TNS3: variants seen among roughly 807,000 people sequenced by gnomAD.
The protein encoded by TNS3 is tensin 3.
Under a neutral mutation model 140.9 loss-of-function variants are expected in TNS3, and 45 were observed. The observed-to-expected ratio is 0.32, with a 90% CI of 0.25 to 0.41. The LOEUF is 0.41. Among genes scored for constraint, TNS3 ranks in the 10% least tolerant of loss-of-function variants. The pLI, the probability that TNS3 is intolerant of heterozygous loss-of-function variation, is 1.00. For synonymous variants in TNS3, 815 were observed against 788.4 expected (o/e 1.03, Z -0.56); for missense variants, 1,716 against 1,906.7 (o/e 0.90, Z 1.86).
chr7:47,301,302 C>T (rs1216920680), intron 23 of TNS3, among the ~76,000 whole-genome samples: 2 of 152,176 alleles, frequency 1.3e-5, no homozygotes, highest in African/African-American at 4.8e-5. Context: ...GCACTGGAGG[C>T]ATGGCCCTGC....
chr7:47,370,452 A>G (rs1201690014), intron 16 of TNS3, among the ~76,000 whole-genome samples: 1 of 152,228 alleles, frequency 6.6e-6, no homozygotes, highest in Admixed American at 6.5e-5. Flanking sequence ...GCTGACCTGC[A>G]TGCGCTGATT....
At chr7:47,370,765 A>G (rs940170313) in intron 16 of TNS3, among the ~76,000 whole-genome samples, 6 of 152,218 alleles carry the variant, frequency 3.9e-5, no homozygotes, top group Admixed American at 1.3e-4. Context: ...TGGTGGTGGG[A>G]AGCCCACGCT....
chr7:47,330,833 C>A (rs1392703253), intron 20 of TNS3, among the ~76,000 whole-genome samples: 1 of 152,104 alleles, frequency 6.6e-6, no homozygotes, highest in African/African-American at 2.4e-5. Flanking sequence ...CTTCCTGAGA[C>A]ACGACCTGAT....
chr7:47,491,647 C>A (rs1463084655), intron 3 of TNS3, among the ~76,000 whole-genome samples: 1 of 152,184 alleles, frequency 6.6e-6, no homozygotes, highest in African/African-American at 2.4e-5. Flanking sequence ...ATTTTTCAGA[C>A]TAGGCATTTC....
chr7:47,350,793 CAGTA>C (rs1199013163), intron 17 of TNS3, among the ~76,000 whole-genome samples: 3 of 151,958 alleles, frequency 2.0e-5, no homozygotes, highest in Non-Finnish European at 2.9e-5. Flanking sequence ...CAGTTGCAGG[CAGTA>C]AGTGTTATAA....
At chr7:47,529,191 T>G in intron 1 of TNS3, 44 bp from the exon 2 acceptor site, 1 of 1,053,736 alleles carries the variant, frequency 9.5e-7, no homozygotes, top group African/African-American at 1.7e-5. Flanking sequence ...CATCTCATAG[T>G]TTGTTTCTTT....
chr7:47,413,765 G>A (rs1793918565), intron 12 of TNS3, among the ~76,000 whole-genome samples, 172 bp downstream of exon 12: 1 of 152,016 alleles, frequency 6.6e-6, no homozygotes, highest in African/African-American at 2.4e-5. Context: ...GCGTGATGCT[G>A]GAGCACGGGC....
intron 4 of TNS3, among the ~76,000 whole-genome samples, chr7:47,464,983 G>A (rs1003289610): frequency 2.0e-5 from 3 of 152,158 alleles, no homozygotes; most frequent in African/African-American, 4.8e-5. Flanking sequence ...GGATGCCTGC[G>A]CCTTGGCCCT....
At position 47,407,919 on chromosome 7, in the gene TNS3, C is replaced by T. The variant is rs979502849; in HGVS notation, c.723+3808G>A. On this transcript the variant is annotated intron_variant, in intron 13 of 30. Transcript: ENST00000311160. The surrounding 1 kb of genome is among the most constrained non-coding windows in gnomAD (Gnocchi z 4.1). ...TCACCTCTGTTGTTTAAGCTGAGAC[C>T]AAAGGGTGAAGCCTGAGTTGAGAGG... 4.6e-5 allele frequency among the ~76,000 whole-genome samples: 7 copies of T among 152,100 alleles called. No homozygotes were observed. The highest frequency in any genetic ancestry group is 1.0e-4 in the Non-Finnish European group (7 of 68,034).
At chr7:47,380,834 C>T (rs1791713019) in intron 16 of TNS3, among the ~76,000 whole-genome samples, 1 of 152,196 alleles carries the variant, frequency 6.6e-6, no homozygotes, top group Non-Finnish European at 1.5e-5. Flanking sequence ...GCGGCTCTCT[C>T]AGTCTGCACC....
At chr7:47,374,569 G>A (rs1053053313) in intron 16 of TNS3, among the ~76,000 whole-genome samples, 9 of 152,190 alleles carry the variant, frequency 5.9e-5, no homozygotes, top group Non-Finnish European at 1.3e-4. Flanking sequence ...AATAAAAAGA[G>A]AATCATGACT....
chr7:47,428,805 T>G (rs1371382446), intron 8 of TNS3, among the ~76,000 whole-genome samples: 1 of 152,202 alleles, frequency 6.6e-6, no homozygotes, highest in Non-Finnish European at 1.5e-5. Context: ...TGATGGGACA[T>G]AGATTCCAGC....
chr7:47,292,785 A>G (rs749763541), intron 26 of TNS3, 43 bp downstream of exon 26: 3 of 1,555,898 alleles, frequency 1.9e-6, no homozygotes, highest in Non-Finnish European at 2.6e-6. Context: ...CCTTGACTGC[A>G]GACAATCTAC....
At chr7:47,345,341 A>T (rs76084554) in intron 18 of TNS3, among the ~76,000 whole-genome samples, 2,312 of 152,336 alleles carry the variant, frequency 0.015, 66 homozygotes, top group African/African-American at 0.052. Context: ...GTACAGGTAA[A>T]TGAGTATCTC....
At chr7:47,516,257 T>C (rs1327415551) in intron 2 of TNS3, among the ~76,000 whole-genome samples, 7 of 152,184 alleles carry the variant, frequency 4.6e-5, no homozygotes, top group Admixed American at 4.6e-4. Flanking sequence ...ATTGTAAAGA[T>C]CACGGCACTG....
At chr7:47,522,833 C>T (rs1361588205) in intron 2 of TNS3, among the ~76,000 whole-genome samples, 2 of 150,514 alleles carry the variant, frequency 1.3e-5, no homozygotes, top group Admixed American at 6.7e-5. Flanking sequence ...GAGGCTGAGG[C>T]GGGAGAATGG....
Position 47,424,316 on chromosome 7 carries a change from T to C in TNS3, c.390-132A>G, listed in dbSNP as rs138614349. The stretch of plus-strand genomic sequence containing the variant: ...AAGGGGCTTCACCCTTTGCTGCACC[T>C]GTGCACACCCAATCCACCTGTCCCT... On this transcript the variant is annotated intron_variant, in intron 9 of 30. Transcript: ENST00000311160. The C allele has an allele frequency of 3.5e-4, 253 of 724,304 alleles. No individual in the cohort carries two copies. The African/African-American group carries it at 4.0e-3, about 11-fold the overall frequency. The allele number at this position is 724,304 out of a possible 1,614,324, so 44.9% of individuals were successfully genotyped here. A position where few individuals can be genotyped will look rare whatever the true frequency, so the allele number is the denominator to read the frequency against.
At position 47,441,945 on chromosome 7, in the gene TNS3, G is replaced by T. The variant is rs1299821435; in HGVS notation, c.-23+58C>A. The stretch of plus-strand genomic sequence containing the variant: ...ATGATGCCATGCCCAAGTTTCCTCT[G>T]TAGAGAGCTGACCTACAGCCAGAGA... On this transcript the variant is annotated intron_variant, in intron 5 of 30. Coordinates refer to ENST00000311160, the MANE Select transcript of TNS3 (RefSeq NM_022748.12). The T allele has an allele frequency of 4.9e-6, 6 of 1,215,948 alleles. No individual in the cohort carries two copies. In the East Asian group the frequency reaches 3.4e-4, roughly 69 times the overall value. The allele number at this position is 1,215,948 out of a possible 1,614,324, so 75.3% of individuals were successfully genotyped here.
intron 3 of TNS3, 70 bp downstream of exon 3, chr7:47,506,837 C>A (rs1798434321): frequency 4.2e-6 from 5 of 1,189,642 alleles, no homozygotes; most frequent in South Asian, 2.6e-5. Flanking sequence ...AGAGGCCCCC[C>A]CACACATATC....
Sources: gnomAD v4.1 joint callset for allele counts (sites outside exome capture counted in the v4.1 genomes callset) on GRCh38, gnomAD v4.1.1 for gene constraint, Gnocchi (gnomAD v3.1) non-coding constraint, MANE v1.5 for transcripts, NCBI Gene and HGNC (gene_info 2026-07-23, HGNC 2026-07-21) for gene names.